The following NECTIN1 variants were observed in gnomAD, a reference collection of about 807,000 sequenced individuals.
The protein encoded by NECTIN1 is nectin-1.
Under a neutral mutation model 48.0 loss-of-function variants are expected in NECTIN1, and 23 were observed. That is an observed-to-expected ratio of 0.48 (90% CI 0.34 to 0.68). NECTIN1 has a LOEUF of 0.68. Ranked by LOEUF, NECTIN1 falls within the 30% of genes least tolerant of loss-of-function variation. NECTIN1 has a pLI of 0.01. For synonymous variants in NECTIN1, 270 were observed against 288.9 expected, an observed-to-expected ratio of 0.93 and a Z score of 0.66; for missense variants, 591 against 709.9, an observed-to-expected ratio of 0.83 and a Z score of 1.90.
intron 1 of NECTIN1, among the ~76,000 whole-genome samples, chr11:119,680,755 A>C (rs983418915): frequency 2.0e-5 from 3 of 152,212 alleles, no homozygotes; most frequent in East Asian, 3.8e-4. Context: ...TCACATCCAC[A>C]CAGCCCTCAA....
rs376335229 is a variant in NECTIN1 at position 119,665,163 on chromosome 11, G to A, written c.1138C>T (p.Arg380Trp). The change falls in exon 6 of 6, where the codon CGG (arginine) becomes TGG (tryptophan). Residue 380 changes from arginine (R) to tryptophan (W), a missense_variant. By Grantham distance (101) the Arg-to-Trp change is moderately radical. Transcript: ENST00000264025. The surrounding 1 kb of genome is among the most constrained non-coding windows in gnomAD (Gnocchi z 5.1). ...TCACCCTTGAAGGTGTGCCGGCGCC[G>A]ACGCAGGGCGACCACGATCCCGCCG... The part of the protein sequence containing the change: ...VVGGIVVALR[R>W]RRHTFKGDYS... 27 of 1,612,344 alleles carry A rather than the reference G, an allele frequency of 1.7e-5. No individual in the cohort carries two copies. Among genetic ancestry groups the A allele is most frequent in the East Asian group, 2.2e-5 (1 of 44,874 alleles).
intron 7 of NECTIN1, chr11:119,638,350 AC>A: frequency 7.0e-7 from 1 of 1,424,690 alleles, no homozygotes; most frequent in Non-Finnish European, 9.7e-7. Flanking sequence ...GTTCCCATGC[AC>A]CCCCATTCTG....
At chr11:119,692,189 G>A (rs1208217601) in intron 1 of NECTIN1, among the ~76,000 whole-genome samples, 2 of 152,192 alleles carry the variant, frequency 1.3e-5, no homozygotes, top group Admixed American at 6.5e-5. Flanking sequence ...CAGACTTGTC[G>A]GGGTTTCAGG....
In NECTIN1 at chr11:119,664,737, G is replaced by A; in HGVS notation, c.*10C>T. 1 of 1,604,166 alleles carries A rather than the reference G, an allele frequency of 6.2e-7. No homozygotes were observed. The highest frequency in any genetic ancestry group is 1.1e-5 in the South Asian group (1 of 89,318). On this transcript the variant is annotated 3_prime_UTR_variant, in exon 6 of 6. Coordinates refer to ENST00000264025, the MANE Select transcript of NECTIN1 (RefSeq NM_002855.5). ...AGGAGCGGTCACAGACAGAGGCTCTGGAAGGGGGGCTACACGTACCACTCC... is the reference window on the plus strand; with the variant it reads ...AGGAGCGGTCACAGACAGAGGCTCTAGAAGGGGGGCTACACGTACCACTCC...
At chr11:119,685,398 C>A (rs553017814) in intron 1 of NECTIN1, among the ~76,000 whole-genome samples, 31 of 152,316 alleles carry the variant, frequency 2.0e-4, no homozygotes, top group African/African-American at 7.5e-4. Context: ...CTGGGAAAAG[C>A]CCCGAGAAGG....
At chr11:119,721,108 C>T (rs1474348222) in intron 1 of NECTIN1, among the ~76,000 whole-genome samples, 2 of 152,206 alleles carry the variant, frequency 1.3e-5, no homozygotes, top group Non-Finnish European at 2.9e-5. Flanking sequence ...CAGAGCACAT[C>T]CAGATGTACT....
intron 5 of NECTIN1, among the ~76,000 whole-genome samples, chr11:119,647,188 T>C (rs1249289936): frequency 8.1e-6 from 1 of 122,988 alleles, no homozygotes; most frequent in African/African-American, 2.8e-5. Flanking sequence ...TGTGTGTGTG[T>C]GTGTGTGTGT....
rs866027639 is a variant in NECTIN1, at chr11:119,684,591, G to T, written c.80-5826C>A. The stretch of plus-strand genomic sequence containing the variant: ...GGGAGTGACTCACCCACTGGGAGGG[G>T]CAGGGCCTCCATCTGAAACCCTGCT... On this transcript the variant is annotated intron_variant, in intron 1 of 5. Coordinates refer to ENST00000264025, the MANE Select transcript of NECTIN1 (RefSeq NM_002855.5). This position sits in a 1 kb window ranked among gnomAD's most constrained non-coding sequence, Gnocchi z 5.2. Among the ~76,000 whole-genome samples the T allele has an allele frequency of 3.9e-5, 6 of 152,350 alleles. No individual in the cohort carries two copies. Among genetic ancestry groups the T allele is most frequent in the Middle Eastern group, 3.4e-3 (1 of 294 alleles).
chr11:119,648,391 GTGATGGTGGTGATGGTGA>G (rs1864442139), intron 5 of NECTIN1, among the ~76,000 whole-genome samples: 3 of 67,044 alleles, frequency 4.5e-5, no homozygotes, highest in Non-Finnish European at 6.3e-5. Context: ...GGTGGTGGTG[GTGATGGTGGTGATGGTGA>G]TGGTGGTGGT....
At chr11:119,716,119 C>G (rs562990542) in intron 1 of NECTIN1, among the ~76,000 whole-genome samples, 1 of 152,306 alleles carries the variant, frequency 6.6e-6, no homozygotes, top group Non-Finnish European at 1.5e-5. Context: ...GCACAGGAGG[C>G]ACCTGCCCAG....
At position 119,712,587 on chromosome 11, in the gene NECTIN1, A is replaced by G. The variant is rs1370608886; in HGVS notation, c.79+15888T>C. On this transcript the variant is annotated intron_variant, in intron 1 of 5. Coordinates refer to ENST00000264025, the MANE Select transcript of NECTIN1 (RefSeq NM_002855.5). Reference sequence around the variant, plus strand: ...GGGAAACTTCAAAATCTTCAAAAAAAAAGGGGAAGGAGGCAACTCCTTTCC... The same window carrying G: ...GGGAAACTTCAAAATCTTCAAAAAAGAAGGGGAAGGAGGCAACTCCTTTCC... Among the ~76,000 whole-genome samples, 7 of 152,100 alleles carry G rather than the reference A, an allele frequency of 4.6e-5. No homozygotes were observed. In the East Asian group the frequency reaches 1.4e-3, roughly 29 times the overall value.
At chr11:119,649,733 A>C (rs1208232622) in intron 5 of NECTIN1, among the ~76,000 whole-genome samples, 1 of 152,196 alleles carries the variant, frequency 6.6e-6, no homozygotes, top group Non-Finnish European at 1.5e-5. Context: ...AAAAACAGGA[A>C]ATATAAAAAC....
intron 1 of NECTIN1, among the ~76,000 whole-genome samples, chr11:119,698,520 G>A (rs1865381797): frequency 6.6e-6 from 1 of 152,206 alleles, no homozygotes; most frequent in African/African-American, 2.4e-5. Flanking sequence ...TTGGGCATGT[G>A]GGATCAGGTA....
chr11:119,664,478 G>A lies in NECTIN1; in HGVS notation c.*269C>T, dbSNP rs138302957. ...GGCTCCCTACACAGAGGGCAGGCAG[G>A]TGGGGCCCGTAAAGGGAAGATACAG... On this transcript the variant is annotated 3_prime_UTR_variant, in exon 6 of 6. Transcript: ENST00000264025. The A allele has an allele frequency of 1.2e-3, 1,549 of 1,318,112 alleles. 22 individuals are homozygous for A. The African/African-American group carries it at 0.02, about 17-fold the overall frequency. The allele number at this position is 1,318,112 out of a possible 1,614,324, so 81.7% of individuals were successfully genotyped here. A position where few individuals can be genotyped will look rare whatever the true frequency, so the allele number is the denominator to read the frequency against.
intron 5 of NECTIN1, among the ~76,000 whole-genome samples, chr11:119,667,819 A>G (rs1356812748): frequency 6.6e-6 from 1 of 152,132 alleles, no homozygotes; most frequent in African/African-American, 2.4e-5. Flanking sequence ...CTGGCTGTCC[A>G]AATTATTTAG....
At chr11:119,654,982 C>A (rs2135534771) in intron 5 of NECTIN1, among the ~76,000 whole-genome samples, 1 of 151,942 alleles carries the variant, frequency 6.6e-6, no homozygotes, top group Non-Finnish European at 1.5e-5. Flanking sequence ...CGACCTCGGT[C>A]CACTGCAACC....
At chr11:119,700,880 C>A (rs958298963) in intron 1 of NECTIN1, among the ~76,000 whole-genome samples, 1 of 152,140 alleles carries the variant, frequency 6.6e-6, no homozygotes, top group Non-Finnish European at 1.5e-5. Flanking sequence ...CAGGCTCTTG[C>A]CCAAGTCAAA....
chr11:119,722,930 G>A (rs1865856815), intron 1 of NECTIN1, among the ~76,000 whole-genome samples: 1 of 152,190 alleles, frequency 6.6e-6, no homozygotes, highest in African/African-American at 2.4e-5. Flanking sequence ...AAACCTCTTT[G>A]GGCATCTGTA....
chr11:119,653,447 G>A (rs146411285), intron 5 of NECTIN1, among the ~76,000 whole-genome samples: 246 of 152,320 alleles, frequency 1.6e-3, no homozygotes, highest in African/African-American at 5.7e-3. Context: ...GGCCCGGCGC[G>A]GGGATCCCAA....
Sources: allele counts gnomAD v4.1 joint callset (sites outside exome capture counted in the v4.1 genomes callset), GRCh38; gene constraint gnomAD v4.1.1; non-coding constraint Gnocchi (gnomAD v3.1); transcripts MANE v1.5; gene names NCBI Gene and HGNC (gene_info 2026-07-23, HGNC 2026-07-21).